The following ARSI variants were observed in gnomAD, a reference collection of about 807,000 sequenced individuals.
ARSI encodes arylsulfatase family member I, also known as arylsulfatase I.
Under a neutral mutation model 42.1 loss-of-function variants are expected in ARSI, and 37 were observed. That is an observed-to-expected ratio of 0.88 (90% confidence interval 0.68 to 1.16). ARSI has a LOEUF of 1.16. Ranked by LOEUF, ARSI falls within the 50% of genes most tolerant of loss-of-function variation. The pLI is 0.00. For missense variants in ARSI, 725 were observed against 790.1 expected (o/e 0.92, Z 0.99); for synonymous variants, 305 against 320.3 (o/e 0.95, Z 0.51).
Position 150,302,366 on chromosome 5 carries a change from G to A in ARSI, c.8C>T (p.Thr3Ile). Reference sequence around the variant, plus strand: ...GCTGACCAGGGAGAAGCCAGTGAGGGTGTGCATCGCCAAGCCGGCCCGCGC... The same window carrying A: ...GCTGACCAGGGAGAAGCCAGTGAGGATGTGCATCGCCAAGCCGGCCCGCGC... MH[T>I]LTGFSLVSLL... is the part of the protein sequence containing the mutation. Residue 3 changes from threonine to isoleucine, a missense_variant, in exon 1 of 2, where the codon ACC becomes ATC. Coordinates refer to ENST00000328668, the MANE Select transcript of ARSI (RefSeq NM_001012301.4). The surrounding 1 kb of genome is among the most constrained non-coding windows in gnomAD (Gnocchi z 6.1). 6.8e-7 allele frequency: 1 copy of A among 1,476,110 alleles called. No individual in the cohort carries two copies. The highest frequency in any genetic ancestry group is 9.0e-7 in the Non-Finnish European group (1 of 1,116,146). 91.4% of individuals were successfully genotyped at this position (1,476,110 alleles called of 1,614,324 possible).
chr5:150,297,128 A>C lies in ARSI; in HGVS notation c.*86T>G. The C allele has an allele frequency of 7.1e-7, 1 of 1,408,388 alleles. No individual in the cohort carries two copies. Among genetic ancestry groups the C allele is most frequent in the Non-Finnish European group, 9.7e-7 (1 of 1,036,170 alleles). The allele number at this position is 1,408,388 out of a possible 1,614,324, so 87.2% of individuals were successfully genotyped here. Reference sequence around the variant, plus strand: ...ACCCTCCAACTCCCTGTAGATGGAGATGTGACAGGCTTCTCCCTGAGAAAC... The same window carrying C: ...ACCCTCCAACTCCCTGTAGATGGAGCTGTGACAGGCTTCTCCCTGAGAAAC... On this transcript the variant is annotated 3_prime_UTR_variant, in exon 2 of 2. Transcript: ENST00000328668. The surrounding 1 kb of genome is among the most constrained non-coding windows in gnomAD (Gnocchi z 7.0).
rs1216216689 is a variant in ARSI, at chr5:150,296,951, T to TCATTTTACA, written c.*262_*263insTGTAAAATG. On this transcript the variant is annotated 3_prime_UTR_variant, in exon 2 of 2. Transcript: ENST00000328668. ...AAGTCATTAGAGCTCATTTTACAGA[T>TCATTTTACA]GAGGAAACTGAGGCTAAAAGCTCAT... 3 of 376,522 alleles carry TCATTTTACA rather than the reference T, an allele frequency of 8.0e-6. No homozygotes were observed. The highest frequency in any genetic ancestry group is 4.2e-5 in the African/African-American group (2 of 48,086). The allele number at this position is 376,522 out of a possible 1,614,324, so 23.3% of individuals were successfully genotyped here.
Position 150,297,852 on chromosome 5 carries a change from C to T in ARSI, c.1072G>A (p.Ala358Thr). Reference sequence around the variant, plus strand: ...TCGGCTGCTGAGGTGGTACCACCTGCCAGACCCACCAGGGTCGGGTACCAG... The same window carrying T: ...TCGGCTGCTGAGGTGGTACCACCTGTCAGACCCACCAGGGTCGGGTACCAG... The part of the protein sequence containing the change: ...TDWYPTLVGL[A>T]GGTTSAADGL... Residue 358 changes from alanine to threonine, a missense_variant, in exon 2 of 2, where the codon GCA becomes ACA. Transcript: ENST00000328668. The surrounding 1 kb of genome is among the most constrained non-coding windows in gnomAD (Gnocchi z 7.0). The T allele has an allele frequency of 1.2e-6, 2 of 1,611,182 alleles. No homozygotes were observed. Among genetic ancestry groups the T allele is most frequent in the Non-Finnish European group, 1.7e-6 (2 of 1,178,866 alleles).
At position 150,302,040 on chromosome 5, in the gene ARSI, C is replaced by A. The variant is rs932563113; in HGVS notation, c.311+23G>T. ...TGATTTGGGGTTTAGATGCCCAGCCCCGGGGCCTTGAGCCACGCCTACCTG... is the reference window on the plus strand; with the variant it reads ...TGATTTGGGGTTTAGATGCCCAGCCACGGGGCCTTGAGCCACGCCTACCTG... On this transcript the variant is annotated intron_variant, in intron 1 of 1. Transcript: ENST00000328668. This position sits in a 1 kb window ranked among gnomAD's most constrained non-coding sequence, Gnocchi z 6.1. 1.3e-6 allele frequency: 2 copies of A among 1,548,010 alleles called. No individual in the cohort carries two copies. The highest frequency in any genetic ancestry group is 2.4e-5 in the East Asian group (1 of 41,798).
chr5:150,299,700 T>C (rs9324643), intron 1 of ARSI, among the ~76,000 whole-genome samples: 120,727 of 151,782 alleles, frequency 0.8, 48,771 homozygotes, highest in Non-Finnish European at 0.88. Context: ...TTCAGCAAAC[T>C]GGGCTGCCGT....
chr5:150,301,140 C>T (rs990339737), intron 1 of ARSI, among the ~76,000 whole-genome samples: 11 of 152,204 alleles, frequency 7.2e-5, no homozygotes, highest in Non-Finnish European at 1.6e-4. Context: ...TTCTCCCATC[C>T]AAGAAATAGT....
Position 150,302,208 on chromosome 5 carries a change from C to T in ARSI, c.166G>A (p.Asp56Asn), listed in dbSNP as rs749746869. 1.2e-6 allele frequency: 2 copies of T among 1,613,874 alleles called. No homozygotes were observed. Among genetic ancestry groups the T allele is most frequent in the East Asian group, 4.5e-5 (2 of 44,868 alleles). Reference protein sequence around the residue: ...PPHIIFILTDDQGYHDVGYHG... With the variant: ...PPHIIFILTDNQGYHDVGYHG... ...TAGCCCACGTCGTGGTAGCCTTGGT[C>T]GTCCGTGAGGATGAAGATGATGTGG... Residue 56 changes from aspartate (D) to asparagine (N), a missense_variant, in exon 1 of 2, where the codon GAC becomes AAC. Coordinates refer to ENST00000328668, the MANE Select transcript of ARSI (RefSeq NM_001012301.4). This position sits in a 1 kb window ranked among gnomAD's most constrained non-coding sequence, Gnocchi z 6.1.
rs1757851720 is a variant in ARSI, at chr5:150,298,128, T to C, written c.796A>G (p.Met266Val). The C allele has an allele frequency of 6.2e-7, 1 of 1,613,824 alleles. No individual in the cohort carries two copies. Among genetic ancestry groups the C allele is most frequent in the African/African-American group, 1.3e-5 (1 of 75,022 alleles). ...GNVARRKYAA[M>V]VTCMDEAVRN... is the part of the protein sequence containing the mutation. ...ACAGCCTCATCCATGCAGGTCACCATGGCCGCGTACTTCCGCCGGGCCACA... is the reference window on the plus strand; with the variant it reads ...ACAGCCTCATCCATGCAGGTCACCACGGCCGCGTACTTCCGCCGGGCCACA... Residue 266 changes from methionine (M) to valine (V), a missense_variant, in exon 2 of 2, where the codon ATG becomes GTG. Transcript: ENST00000328668.
Position 150,297,976 on chromosome 5 carries a change from G to A in ARSI, c.948C>T (p.Gly316=). Residue 316 remains glycine (G), a synonymous_variant, in exon 2 of 2, where the codon GGC becomes GGT. Coordinates refer to ENST00000328668, the MANE Select transcript of ARSI (RefSeq NM_001012301.4). The surrounding 1 kb of genome is among the most constrained non-coding windows in gnomAD (Gnocchi z 7.0). ...CCCGCACGCCACCTTCCCAATAAGT[G>A]CCCTTGCGTCCTCGGAGCGGCCAGT... The part of the protein sequence containing the change: ...GSNWPLRGRK[G]TYWEGGVRGL... 6.2e-7 allele frequency: 1 copy of A among 1,612,506 alleles called. No individual in the cohort carries two copies. The highest frequency in any genetic ancestry group is 1.3e-5 in the African/African-American group (1 of 75,010).
In ARSI at chr5:150,302,218, G is replaced by A. The variant is rs1372070908; in HGVS notation, c.156C>T (p.Ile52=). ...CGTGGTAGCCTTGGTCGTCCGTGAG[G>A]ATGAAGATGATGTGGGGAGGCTGGG... ...APPQPPHIIF[I]LTDDQGYHDV... Residue 52 remains isoleucine (I), a synonymous_variant, in exon 1 of 2, where the codon ATC becomes ATT. Coordinates refer to ENST00000328668, the MANE Select transcript of ARSI (RefSeq NM_001012301.4). The surrounding 1 kb of genome is among the most constrained non-coding windows in gnomAD (Gnocchi z 6.1). 2 of 1,613,804 alleles carry A rather than the reference G, an allele frequency of 1.2e-6. No homozygotes were observed. Among genetic ancestry groups the A allele is most frequent in the South Asian group, 1.1e-5 (1 of 91,026 alleles).
rs1211913688 is a variant in ARSI at position 150,297,130 on chromosome 5, G to T, written c.*84C>A. On this transcript the variant is annotated 3_prime_UTR_variant, in exon 2 of 2. Coordinates refer to ENST00000328668, the MANE Select transcript of ARSI (RefSeq NM_001012301.4). The surrounding 1 kb of genome is among the most constrained non-coding windows in gnomAD (Gnocchi z 7.0). ...CCTCCAACTCCCTGTAGATGGAGAT[G>T]TGACAGGCTTCTCCCTGAGAAACAG... 1 of 1,426,584 alleles carries T rather than the reference G, an allele frequency of 7.0e-7. No homozygotes were observed. Among genetic ancestry groups the T allele is most frequent in the Admixed American group, 2.3e-5 (1 of 44,124 alleles). 88.4% of individuals were successfully genotyped at this position (1,426,584 alleles called of 1,614,324 possible).
At chr5:150,301,979 G>T in intron 1 of ARSI, 84 bp downstream of exon 1, 1 of 1,374,156 alleles carries the variant, frequency 7.3e-7, no homozygotes, top group Non-Finnish European at 9.7e-7. Flanking sequence ...ATCCCAGCAT[G>T]GGGTGGTACT....
At chr5:150,300,669 A>T (rs748657343) in intron 1 of ARSI, among the ~76,000 whole-genome samples, 12 of 152,196 alleles carry the variant, frequency 7.9e-5, no homozygotes, top group Non-Finnish European at 1.3e-4. Context: ...CATCAATGAG[A>T]TGGAGCCAGC....
chr5:150,302,513 C>T lies in ARSI; in HGVS notation c.-140G>A, dbSNP rs888677452. 27 of 585,790 alleles carry T rather than the reference C, an allele frequency of 4.6e-5. No individual in the cohort carries two copies. The highest frequency in any genetic ancestry group is 4.8e-4 in the Middle Eastern group (1 of 2,086). The allele number at this position is 585,790 out of a possible 1,614,324, so 36.3% of individuals were successfully genotyped here. On this transcript the variant is annotated 5_prime_UTR_variant, in exon 1 of 2. Coordinates refer to ENST00000328668, the MANE Select transcript of ARSI (RefSeq NM_001012301.4). The surrounding 1 kb of genome is among the most constrained non-coding windows in gnomAD (Gnocchi z 6.1). The stretch of plus-strand genomic sequence containing the variant: ...CCCCGGGGACGGTCCAGTGTCTGGT[C>T]CGGGACTGGCTGCCGGACGGCTGGG...
rs567073557 is a variant in ARSI, at chr5:150,297,493, C to G, written c.1431G>C (p.Leu477=). Reference sequence around the variant, plus strand: ...GGACCACATCAGGCCGCTGGCCAGCCAGGTCCTCCCGTTCATAAGGGTCAG... The same window carrying G: ...GGACCACATCAGGCCGCTGGCCAGCGAGGTCCTCCCGTTCATAAGGGTCAG... ...ISADPYERED[L]AGQRPDVVRT... is the part of the protein sequence containing the mutation. Residue 477 remains leucine (L), a synonymous_variant, in exon 2 of 2, where the codon CTG becomes CTC. Coordinates refer to ENST00000328668, the MANE Select transcript of ARSI (RefSeq NM_001012301.4). The surrounding 1 kb of genome is among the most constrained non-coding windows in gnomAD (Gnocchi z 7.0). 6.2e-7 allele frequency: 1 copy of G among 1,613,882 alleles called. No individual in the cohort carries two copies.
chr5:150,302,468 C>T lies in ARSI; in HGVS notation c.-95G>A. 5 of 967,348 alleles carry T rather than the reference C, an allele frequency of 5.2e-6. No individual in the cohort carries two copies. The South Asian group carries it at 1.0e-4, about 20-fold the overall frequency. 59.9% of individuals were successfully genotyped at this position (967,348 alleles called of 1,614,324 possible). A position where few individuals can be genotyped will look rare whatever the true frequency, so the allele number is the denominator to read the frequency against. On this transcript the variant is annotated 5_prime_UTR_variant, in exon 1 of 2. Transcript: ENST00000328668. This position sits in a 1 kb window ranked among gnomAD's most constrained non-coding sequence, Gnocchi z 6.1. The stretch of plus-strand genomic sequence containing the variant: ...CACCACCGGCCCGCCGGCTCGGATG[C>T]TGCGAGGGAGTTCAGCGCCCCCCGG...
Position 150,298,441 on chromosome 5 carries a change from A to T in ARSI, c.483T>A (p.Arg161=), listed in dbSNP as rs749316965. The T allele has an allele frequency of 1.2e-6, 2 of 1,614,174 alleles. No individual in the cohort carries two copies. Among genetic ancestry groups the T allele is most frequent in the South Asian group, 2.2e-5 (2 of 91,084 alleles). ...GFYRKECLPT[R]RGFDTFLGSL... is the part of the protein sequence containing the mutation. ...AGCCCAGGAAGGTGTCGAAGCCCCG[A>T]CGGGTGGGCAGACACTCCTTCCGGT... is the stretch of plus-strand genomic sequence containing the variant. The change falls in exon 2 of 2, where the codon CGT becomes CGA. Residue 161 remains arginine, a synonymous_variant. Coordinates refer to ENST00000328668, the MANE Select transcript of ARSI (RefSeq NM_001012301.4).
rs1387998500 is a variant in ARSI, at chr5:150,297,467, C to T, written c.1457G>A (p.Arg486His). Reference protein sequence around the residue: ...DLAGQRPDVVRTLLARLAEYN... With the variant: ...DLAGQRPDVVHTLLARLAEYN... ...TTCGGCCAGGCGAGCCAGCAGGGTGCGGACCACATCAGGCCGCTGGCCAGC... is the reference window on the plus strand; with the variant it reads ...TTCGGCCAGGCGAGCCAGCAGGGTGTGGACCACATCAGGCCGCTGGCCAGC... The change falls in exon 2 of 2, where the codon CGC becomes CAC. Residue 486 changes from arginine to histidine, a missense_variant. Coordinates refer to ENST00000328668, the MANE Select transcript of ARSI (RefSeq NM_001012301.4). This position sits in a 1 kb window ranked among gnomAD's most constrained non-coding sequence, Gnocchi z 7.0. 3.7e-6 allele frequency: 6 copies of T among 1,612,570 alleles called. No homozygotes were observed. The highest frequency in any genetic ancestry group is 4.5e-5 in the East Asian group (2 of 44,872).
chr5:150,302,715 T>G lies in ARSI; in HGVS notation c.-342A>C. The stretch of plus-strand genomic sequence containing the variant: ...AAAGTGCTCTCTACCATCCTCTGAC[T>G]CCCCTCTTCCTTCTTGCCCTGGATT... On this transcript the variant is annotated 5_prime_UTR_variant, in exon 1 of 2. Transcript: ENST00000328668. This position sits in a 1 kb window ranked among gnomAD's most constrained non-coding sequence, Gnocchi z 6.1. The G allele has an allele frequency of 4.8e-6, 1 of 208,744 alleles. No individual in the cohort carries two copies. Among genetic ancestry groups the G allele is most frequent in the East Asian group, 1.1e-4 (1 of 9,508 alleles). 12.9% of individuals were successfully genotyped at this position (208,744 alleles called of 1,614,324 possible). A position where few individuals can be genotyped will look rare whatever the true frequency, so the allele number is the denominator to read the frequency against.
Sources: gnomAD v4.1 joint callset for allele counts (sites outside exome capture counted in the v4.1 genomes callset) on GRCh38, gnomAD v4.1.1 for gene constraint, Gnocchi (gnomAD v3.1) non-coding constraint, MANE v1.5 for transcripts, NCBI Gene and HGNC (gene_info 2026-07-23, HGNC 2026-07-21) for gene names.